Variants in CATSPERG observed in about 807,000 individuals in gnomAD.
CATSPERG encodes the protein cation channel sperm-associated auxiliary subunit gamma.
In CATSPERG, 115 loss-of-function variants were observed where a neutral mutation model predicts 145.0. That is an observed-to-expected ratio of 0.79 (90% confidence interval 0.68 to 0.93). The LOEUF (loss-of-function observed/expected upper bound fraction) is 0.93, where lower values mean the gene tolerates loss of function less well. CATSPERG is among the 40% of genes least tolerant of loss of function. The pLI is 0.00. For missense variants in CATSPERG, 1,296 were observed against 1,490.1 expected, an observed-to-expected ratio of 0.87 and a Z score of 2.14; for synonymous variants, 588 against 589.0, an observed-to-expected ratio of 1.00 and a Z score of 0.02.
At chr19:38,355,078 C>T (rs978999012) in intron 9 of CATSPERG, among the ~76,000 whole-genome samples, 3 of 152,202 alleles carry the variant, frequency 2.0e-5, no homozygotes, top group African/African-American at 4.8e-5. Context: ...GGCACAGTGG[C>T]TCATGCCTGT....
intron 13 of CATSPERG, 81 bp downstream of exon 13, chr19:38,358,642 G>A: frequency 6.4e-7 from 1 of 1,554,718 alleles, no homozygotes; most frequent in Non-Finnish European, 8.8e-7. Context: ...TTCAAGCCCA[G>A]GCTAGGCAAG....
intron 8 of CATSPERG, among the ~76,000 whole-genome samples, chr19:38,353,006 C>T (rs547867317): frequency 8.6e-5 from 11 of 128,644 alleles, no homozygotes; most frequent in Middle Eastern, 5.1e-3. Context: ...CCAGCCTGGG[C>T]GACAGAGCAA....
At chr19:38,357,815 G>A (rs1318668088) in intron 11 of CATSPERG, among the ~76,000 whole-genome samples, 2 of 152,360 alleles carry the variant, frequency 1.3e-5, no homozygotes, top group East Asian at 1.9e-4. Context: ...AGTCGGGCAT[G>A]ATGGTGGGTA....
At chr19:38,361,215 T>C (rs1970338303) in intron 16 of CATSPERG, among the ~76,000 whole-genome samples, 2 of 151,988 alleles carry the variant, frequency 1.3e-5, no homozygotes, top group African/African-American at 4.8e-5. Context: ...CTTGAGGGTC[T>C]TGGGAGAGCC....
Position 38,360,368 on chromosome 19 carries a change from GGAGGT to G in CATSPERG, c.1609-117_1609-113del. 2.0e-6 allele frequency: 3 copies of G among 1,498,164 alleles called. No homozygotes were observed. In the East Asian group the frequency reaches 7.1e-5, roughly 35 times the overall value. 92.8% of individuals were successfully genotyped at this position (1,498,164 alleles called of 1,614,324 possible). A position where few individuals can be genotyped will look rare whatever the true frequency, so the allele number is the denominator to read the frequency against. Reference sequence around the variant, plus strand: ...GAAGGGGAGCGCCCTTGGTCCCAGTGGAGGTGAGTTTCCAAACTTCATCCCTCAAA... The same window carrying G: ...GAAGGGGAGCGCCCTTGGTCCCAGTGGAGTTTCCAAACTTCATCCCTCAAA... On this transcript the variant is annotated intron_variant, in intron 14 of 28. Transcript: ENST00000409235.
intron 3 of CATSPERG, among the ~76,000 whole-genome samples, chr19:38,343,295 A>G (rs1034677523): frequency 1.3e-5 from 2 of 151,796 alleles, no homozygotes; most frequent in South Asian, 2.1e-4. Flanking sequence ...GCCCTTCCCT[A>G]TGTATTCCCT....
chr19:38,351,895 A>G (rs1387872775), intron 7 of CATSPERG, among the ~76,000 whole-genome samples: 1 of 152,184 alleles, frequency 6.6e-6, no homozygotes, highest in African/African-American at 2.4e-5. Flanking sequence ...TGACAGAGCC[A>G]GATCCAGCCT....
chr19:38,345,597 C>T (rs924328466), intron 6 of CATSPERG, among the ~76,000 whole-genome samples: 7 of 151,832 alleles, frequency 4.6e-5, no homozygotes, highest in African/African-American at 9.7e-5. Flanking sequence ...CTCTGCCTCC[C>T]GGGTACAAGC....
At position 38,338,798 on chromosome 19, in the gene CATSPERG, G is replaced by A. The variant is rs574801407; in HGVS notation, c.324+1152G>A. On this transcript the variant is annotated intron_variant, in intron 3 of 28. Coordinates refer to ENST00000409235, the MANE Select transcript of CATSPERG (RefSeq NM_021185.5). The stretch of plus-strand genomic sequence containing the variant: ...CAGGATCATCATAATGAGCCTAGGA[G>A]GTTGAGGCTGCAGGGAACTGTGATC... 3.3e-5 allele frequency among the ~76,000 whole-genome samples: 5 copies of A among 152,236 alleles called. No individual in the cohort carries two copies. In the East Asian group the frequency reaches 7.7e-4, roughly 24 times the overall value.
Position 38,367,491 on chromosome 19 carries a change from T to A in CATSPERG, c.2771-18T>A. ...AGCTAATTTCTTCTTCTGGTCTCAA[T>A]CCCCTCCAACCCCATAGTTTTCTAC... On this transcript the variant is annotated intron_variant, in intron 23 of 28. Transcript: ENST00000409235. 6.2e-7 allele frequency: 1 copy of A among 1,612,132 alleles called. No homozygotes were observed. Among genetic ancestry groups the A allele is most frequent in the East Asian group, 2.2e-5 (1 of 44,874 alleles).
Position 38,362,755 on chromosome 19 carries a change from GT to G in CATSPERG, c.2399del (p.Val800GlyfsTer12). On this transcript the variant is annotated frameshift_variant, in exon 20 of 29. Coordinates refer to ENST00000409235, the MANE Select transcript of CATSPERG (RefSeq NM_021185.5). LOFTEE classifies it high-confidence loss of function. The part of the protein sequence containing the change: ...QLHSQVDVGV[V>X]LADPGCIEAS... ...GCATAGCCAGGTGGACGTGGGCGTGGTGCTGGCCGACCCCGGCTGCATCGAG... is the reference window on the plus strand; with the variant it reads ...GCATAGCCAGGTGGACGTGGGCGTGGGCTGGCCGACCCCGGCTGCATCGAG... The G allele has an allele frequency of 6.2e-7, 1 of 1,614,218 alleles. No individual in the cohort carries two copies. Among genetic ancestry groups the G allele is most frequent in the Non-Finnish European group, 8.5e-7 (1 of 1,180,036 alleles).
intron 7 of CATSPERG, among the ~76,000 whole-genome samples, chr19:38,350,660 T>C (rs1970123309): frequency 6.6e-6 from 1 of 152,130 alleles, no homozygotes; most frequent in African/African-American, 2.4e-5. Flanking sequence ...TTACAGGCAC[T>C]CGGCCACATT....
chr19:38,368,489 T>A (rs1276708189), intron 26 of CATSPERG, among the ~76,000 whole-genome samples: 1 of 152,228 alleles, frequency 6.6e-6, no homozygotes, highest in Non-Finnish European at 1.5e-5. Context: ...GGGCAGTCAC[T>A]GTCTGGTGTG....
At chr19:38,360,374 G>A in intron 14 of CATSPERG, 115 bp from the exon 15 acceptor site, 2 of 1,508,266 alleles carry the variant, frequency 1.3e-6, no homozygotes. Flanking sequence ...CAGTGGAGGT[G>A]AGTTTCCAAA....
At chr19:38,344,917 T>A (rs1405066625) in intron 6 of CATSPERG, among the ~76,000 whole-genome samples, 1 of 134,018 alleles carries the variant, frequency 7.5e-6, no homozygotes, top group Non-Finnish European at 1.6e-5. Context: ...TTTTTTTTTT[T>A]TTTTTTTGAG....
chr19:38,359,989 G>C, intron 14 of CATSPERG: 2 of 1,040,446 alleles, frequency 1.9e-6, no homozygotes, highest in Non-Finnish European at 2.3e-6. Flanking sequence ...TCATGGGGGA[G>C]ACCACATGGA....
At position 38,345,436 on chromosome 19, in the gene CATSPERG, G is replaced by A. The variant is rs532498779; in HGVS notation, c.670-1014G>A. 5.3e-5 allele frequency among the ~76,000 whole-genome samples: 8 copies of A among 151,826 alleles called. No individual in the cohort carries two copies. In the South Asian group the frequency reaches 1.0e-3, roughly 20 times the overall value. On this transcript the variant is annotated intron_variant, in intron 6 of 28. Coordinates refer to ENST00000409235, the MANE Select transcript of CATSPERG (RefSeq NM_021185.5). ...TCAAACTCCGGGGCTCAAGTGATCC[G>A]CCTACCTCGGTCTCCCAAAGTGCTA...
chr19:38,346,313 A>T, intron 6 of CATSPERG, 137 bp from the exon 7 acceptor site: 1 of 709,872 alleles, frequency 1.4e-6, no homozygotes, highest in Non-Finnish European at 2.1e-6. Context: ...GGAGAATGGT[A>T]AGGAATGAGG....
At position 38,343,596 on chromosome 19, in the gene CATSPERG, T is replaced by G; in HGVS notation, c.341T>G (p.Val114Gly). ...SCEEKPSEDL[V>G]RMGHLTGLKP... ...CACCCTCAGCCCTCTGAGGACCTGG[T>G]GCGCATGGGCCACCTGACGGGGCTA... Residue 114 changes from valine (V) to glycine (G), a missense_variant, in exon 4 of 29, where the codon GTG becomes GGG. Val to Gly is a moderately radical substitution (Grantham distance 109). Transcript: ENST00000409235. 6.5e-7 allele frequency: 1 copy of G among 1,550,204 alleles called. No individual in the cohort carries two copies. Among genetic ancestry groups the G allele is most frequent in the Non-Finnish European group, 8.7e-7 (1 of 1,146,332 alleles).
Sources: gnomAD v4.1 joint callset for allele counts (sites outside exome capture counted in the v4.1 genomes callset) on GRCh38, gnomAD v4.1.1 for gene constraint, MANE v1.5 for transcripts, NCBI Gene and HGNC (gene_info 2026-07-23, HGNC 2026-07-21) for gene names.